SMYD3: variants seen among roughly 807,000 people sequenced by gnomAD.
SMYD3 encodes histone-lysine N-methyltransferase SMYD3.
A neutral mutation model predicts 57.7 loss-of-function variants in SMYD3; 36 were observed. That is an observed-to-expected ratio of 0.62 (90% CI 0.48 to 0.82). The LOEUF (loss-of-function observed/expected upper bound fraction) is 0.82, where lower values mean the gene tolerates loss of function less well. Among genes scored for constraint, SMYD3 ranks in the 40% least tolerant of loss-of-function variants. The pLI is 0.00. For missense variants in SMYD3, 515 were observed against 538.8 expected (o/e 0.96, Z 0.44); for synonymous variants, 211 against 195.0 (o/e 1.08, Z -0.68).
chr1:245,774,352 T>C (rs529070510), intron 10 of SMYD3, among the ~76,000 whole-genome samples: 1 of 152,260 alleles, frequency 6.6e-6, no homozygotes, highest in South Asian at 2.1e-4. Context: ...ACAGATTACA[T>C]GCAAGAGTCC....
In SMYD3 at chr1:246,027,837, A is replaced by C. The variant is rs73132364; in HGVS notation, c.532-97900T>G. On this transcript the variant is annotated intron_variant, in intron 5 of 11. Transcript: ENST00000490107. Reference sequence around the variant, plus strand: ...ATTTTGTAAGGCTATAGCTGCCATCAATATTGATTCTTCTGATGGATCTGG... The same window carrying C: ...ATTTTGTAAGGCTATAGCTGCCATCCATATTGATTCTTCTGATGGATCTGG... Among the ~76,000 whole-genome samples, 1,496 of 152,326 alleles carry C rather than the reference A, an allele frequency of 9.8e-3. 20 individuals are homozygous for C. The highest frequency in any genetic ancestry group is 0.034 in the African/African-American group (1,400 of 41,560).
At chr1:246,109,078 T>C in intron 5 of SMYD3, among the ~76,000 whole-genome samples, 1 of 152,216 alleles carries the variant, frequency 6.6e-6, no homozygotes, top group East Asian at 1.9e-4. Context: ...CTTCCTAGAC[T>C]GTGAGCCCCT....
intron 5 of SMYD3, among the ~76,000 whole-genome samples, chr1:246,194,932 A>T (rs913127827): frequency 6.6e-6 from 1 of 152,196 alleles, no homozygotes; most frequent in African/African-American, 2.4e-5. Context: ...TAAAGCTGTA[A>T]CTACAATCCA....
At chr1:246,507,006 A>ACCCCCCCCCCCCC in intron 1 of SMYD3, 48 bp downstream of exon 1, 1 of 989,834 alleles carries the variant, frequency 1.0e-6, no homozygotes, top group Non-Finnish European at 1.3e-6. Context: ...CCTCCCCAGC[A>ACCCCCCCCCCCCC]CCCCACACAG....
At chr1:246,214,318 T>C (rs918790834) in intron 5 of SMYD3, among the ~76,000 whole-genome samples, 2 of 152,088 alleles carry the variant, frequency 1.3e-5, no homozygotes, top group African/African-American at 2.4e-5. Flanking sequence ...AGGAGACAAA[T>C]GTCATAGCAA....
At chr1:245,853,436 G>T (rs943447281) in intron 10 of SMYD3, among the ~76,000 whole-genome samples, 1 of 152,196 alleles carries the variant, frequency 6.6e-6, no homozygotes, top group Non-Finnish European at 1.5e-5. Flanking sequence ...TCGAACGCGC[G>T]CTCAGGTCCT....
At chr1:245,800,732 G>A (rs559302423) in intron 10 of SMYD3, among the ~76,000 whole-genome samples, 3 of 152,284 alleles carry the variant, frequency 2.0e-5, no homozygotes, top group East Asian at 3.9e-4. Context: ...CCTAAAGCAA[G>A]TAGTGGACAT....
chr1:246,281,271 T>C (rs1250174699), intron 5 of SMYD3, among the ~76,000 whole-genome samples: 1 of 152,244 alleles, frequency 6.6e-6, no homozygotes, highest in Non-Finnish European at 1.5e-5. Context: ...GTTACTGAAA[T>C]GGCCCAGGAC....
intron 1 of SMYD3, among the ~76,000 whole-genome samples, chr1:246,434,496 T>C (rs4654252): frequency 0.99 from 151,124 of 152,376 alleles, 74,954 homozygotes; most frequent in East Asian, 1. Context: ...AATATATGAA[T>C]AGACACTTCT....
chr1:245,818,781 T>C (rs954916049), intron 10 of SMYD3, among the ~76,000 whole-genome samples: 8 of 151,242 alleles, frequency 5.3e-5, no homozygotes, highest in Non-Finnish European at 8.8e-5. Flanking sequence ...CCAACAAAGA[T>C]CAAAAGAGAC....
chr1:246,421,975 T>C (rs977885638), intron 1 of SMYD3, among the ~76,000 whole-genome samples: 2 of 152,210 alleles, frequency 1.3e-5, no homozygotes, highest in Admixed American at 6.5e-5. Flanking sequence ...AGTTTGCACA[T>C]TCAAGTGCTC....
chr1:245,933,766 T>C (rs1200143549), intron 5 of SMYD3, among the ~76,000 whole-genome samples: 1 of 152,230 alleles, frequency 6.6e-6, no homozygotes, highest in African/African-American at 2.4e-5. Flanking sequence ...CTGAAATTCT[T>C]AGGACTAAAG....
chr1:246,320,724 A>G (rs1245952487), intron 5 of SMYD3, among the ~76,000 whole-genome samples: 2 of 152,244 alleles, frequency 1.3e-5, no homozygotes, highest in Admixed American at 1.3e-4. Context: ...AACTCTGTAC[A>G]ATAATCCCTA....
At chr1:245,754,913 G>A in intron 11 of SMYD3, among the ~76,000 whole-genome samples, 1 of 152,228 alleles carries the variant, frequency 6.6e-6, no homozygotes, top group East Asian at 1.9e-4. Context: ...GGCGCCCAGA[G>A]GAAGGAGGAA....
intron 5 of SMYD3, among the ~76,000 whole-genome samples, chr1:246,086,831 A>C (rs2060730247): frequency 6.6e-6 from 1 of 151,912 alleles, no homozygotes; most frequent in Non-Finnish European, 1.5e-5. Flanking sequence ...TCCATCACCT[A>C]GGTATTAAGC....
intron 10 of SMYD3, among the ~76,000 whole-genome samples, chr1:245,831,423 T>C (rs2049827408): frequency 1.3e-5 from 2 of 152,150 alleles, no homozygotes; most frequent in African/African-American, 2.4e-5. Flanking sequence ...TATTTCGGGG[T>C]AAACCAGGTA....
In SMYD3 at chr1:245,783,896, A is replaced by C. The variant is rs555657151; in HGVS notation, c.1077-19747T>G. 5.1e-4 allele frequency among the ~76,000 whole-genome samples: 77 copies of C among 152,340 alleles called. 2 individuals are homozygous for C. The South Asian group carries it at 0.015, about 30-fold the overall frequency. On this transcript the variant is annotated intron_variant, in intron 10 of 11. Coordinates refer to ENST00000490107, the MANE Select transcript of SMYD3 (RefSeq NM_001167740.2). ...CGAAACACAGATGAAAGATCTAAATAAATAAAGAGCCACACTGTGTTCATG... is the reference window on the plus strand; with the variant it reads ...CGAAACACAGATGAAAGATCTAAATCAATAAAGAGCCACACTGTGTTCATG...
chr1:246,260,447 T>TTGTTG (rs1558357492), intron 5 of SMYD3, among the ~76,000 whole-genome samples: 2 of 151,922 alleles, frequency 1.3e-5, no homozygotes, highest in African/African-American at 4.8e-5. Flanking sequence ...TGTTGTTGTT[T>TTGTTG]TTTGTTTGTT....
chr1:246,010,955 A>C (rs965248087), intron 5 of SMYD3, among the ~76,000 whole-genome samples: 29 of 152,290 alleles, frequency 1.9e-4, no homozygotes, highest in African/African-American at 6.5e-4. Context: ...AGGACATATA[A>C]CATGCTTCCA....
Sources: gnomAD v4.1 joint callset for allele counts (sites outside exome capture counted in the v4.1 genomes callset) on GRCh38, gnomAD v4.1.1 for gene constraint, MANE v1.5 for transcripts, NCBI Gene and HGNC (gene_info 2026-07-23, HGNC 2026-07-21) for gene names.